Variants in STXBP6 observed in about 807,000 individuals in gnomAD.
STXBP6 encodes the protein syntaxin binding protein 6.
STXBP6 carries 21 observed loss-of-function variants against 26.9 expected under a neutral mutation model. That is an observed-to-expected ratio of 0.78 (90% CI 0.55 to 1.12). The LOEUF is 1.12. STXBP6 is among the 50% of genes most tolerant of loss of function. STXBP6 has a pLI of 0.00. For missense variants in STXBP6, 232 were observed against 257.9 expected, an observed-to-expected ratio of 0.90 and a Z score of 0.69; for synonymous variants, 97 against 92.6, an observed-to-expected ratio of 1.05 and a Z score of -0.27.
rs34132743 is a variant in STXBP6, at chr14:24,964,647, C to CTGTGTGTGTGTGTGTGTGTGTGTG, written c.154+9994_154+10017dup. ...TGACAGAGCTAGTACAGTTCTCATT[C>CTGTGTGTGTGTGTGTGTGTGTGTG]TGTGTGTGTGTGTGTGTGTGTGTGT... On this transcript the variant is annotated intron_variant, in intron 2 of 5. Coordinates refer to ENST00000323944, the MANE Select transcript of STXBP6 (RefSeq NM_001394410.1). 1.2e-3 allele frequency among the ~76,000 whole-genome samples: 175 copies of CTGTGTGTGTGTGTGTGTGTGTGTG among 140,190 alleles called. 2 individuals carry two copies. The highest frequency in any genetic ancestry group is 3.9e-3 in the African/African-American group (146 of 37,280). The allele number at this position is 140,190 out of a possible 152,430, so 92.0% of individuals were successfully genotyped here. A position where few individuals can be genotyped will look rare whatever the true frequency, so the allele number is the denominator to read the frequency against.
At chr14:25,016,748 G>T (rs2075157487) in intron 1 of STXBP6, among the ~76,000 whole-genome samples, 1 of 152,104 alleles carries the variant, frequency 6.6e-6, no homozygotes, top group Admixed American at 6.6e-5. Flanking sequence ...ATAAAATTAA[G>T]CTAGGAAAGC....
intron 1 of STXBP6, among the ~76,000 whole-genome samples, chr14:25,021,596 A>C (rs1480193854): frequency 6.6e-6 from 1 of 152,172 alleles, no homozygotes; most frequent in East Asian, 1.9e-4. Flanking sequence ...GCCAAATTCA[A>C]ACCAGTTGAC....
At chr14:24,983,987 T>G (rs2140250585) in intron 1 of STXBP6, among the ~76,000 whole-genome samples, 1 of 152,284 alleles carries the variant, frequency 6.6e-6, no homozygotes, top group East Asian at 1.9e-4. Flanking sequence ...CATTCCTTAT[T>G]CATTGAGAGG....
intron 1 of STXBP6, among the ~76,000 whole-genome samples, chr14:24,982,829 G>A (rs779863929): frequency 2.2e-4 from 33 of 152,226 alleles, no homozygotes; most frequent in African/African-American, 6.0e-4. Context: ...TTTACATTGC[G>A]GGTGTACCTT....
chr14:24,851,252 T>TA (rs2069142138), intron 4 of STXBP6, among the ~76,000 whole-genome samples: 1 of 151,284 alleles, frequency 6.6e-6, no homozygotes, highest in African/African-American at 2.4e-5. Flanking sequence ...TTTTTTTTTT[T>TA]ATACTTTAAG....
At chr14:24,892,203 T>G (rs200472607) in intron 2 of STXBP6, among the ~76,000 whole-genome samples, 55,735 of 145,252 alleles carry the variant, frequency 0.38, 10,536 homozygotes, top group East Asian at 0.43. Context: ...TATACATTAT[T>G]TTTTTTTTTT....
At chr14:24,920,460 G>A (rs998171403) in intron 2 of STXBP6, among the ~76,000 whole-genome samples, 4 of 151,986 alleles carry the variant, frequency 2.6e-5, no homozygotes, top group African/African-American at 9.7e-5. Flanking sequence ...GACTCCTCAG[G>A]CAGTGTGTTA....
chr14:24,862,289 T>C (rs1000827312), intron 2 of STXBP6, among the ~76,000 whole-genome samples: 6 of 152,148 alleles, frequency 3.9e-5, no homozygotes, highest in African/African-American at 1.4e-4. Flanking sequence ...TGAGCCACCA[T>C]GCCCGACCTA....
At chr14:24,999,692 C>T (rs913433929) in intron 1 of STXBP6, among the ~76,000 whole-genome samples, 3 of 151,946 alleles carry the variant, frequency 2.0e-5, no homozygotes, top group Admixed American at 2.0e-4. Flanking sequence ...CCACTACCCC[C>T]AAAAGACTTC....
At chr14:25,022,893 G>C (rs1306420628) in intron 1 of STXBP6, among the ~76,000 whole-genome samples, 2 of 152,164 alleles carry the variant, frequency 1.3e-5, no homozygotes, top group African/African-American at 4.8e-5. Flanking sequence ...TGAAATTCAT[G>C]ATGTTCCTAC....
chr14:24,870,133 A>G (rs1446896355), intron 2 of STXBP6, among the ~76,000 whole-genome samples: 1 of 152,024 alleles, frequency 6.6e-6, no homozygotes, highest in Non-Finnish European at 1.5e-5. Context: ...GAATTTTCAA[A>G]CCCTTTGCAT....
intron 1 of STXBP6, among the ~76,000 whole-genome samples, chr14:25,013,843 A>G (rs2075089540): frequency 6.6e-6 from 1 of 152,128 alleles, no homozygotes; most frequent in African/African-American, 2.4e-5. Context: ...TGTAGACCTT[A>G]TGTGGATACT....
rs961798106 is a variant in STXBP6, at chr14:24,858,734, A to G, written c.155-1577T>C. The stretch of plus-strand genomic sequence containing the variant: ...TCCTATGACACAAATGGGAGACCTA[A>G]TAGGTTTCTCTGATGGCTGTGACCT... On this transcript the variant is annotated intron_variant, in intron 2 of 5. Transcript: ENST00000323944. 5.3e-5 allele frequency among the ~76,000 whole-genome samples: 8 copies of G among 152,208 alleles called. 2 individuals are homozygous for G. Among genetic ancestry groups the G allele is most frequent in the Admixed American group, 3.9e-4 (6 of 15,276 alleles).
intron 2 of STXBP6, among the ~76,000 whole-genome samples, chr14:24,932,423 A>G (rs2139914168): frequency 6.6e-6 from 1 of 152,326 alleles, no homozygotes; most frequent in South Asian, 2.1e-4. Flanking sequence ...CAGGGAGCTG[A>G]AATGAAAAGA....
At chr14:24,850,100 C>T (rs914966612) in intron 4 of STXBP6, among the ~76,000 whole-genome samples, 2 of 152,028 alleles carry the variant, frequency 1.3e-5, no homozygotes, top group African/African-American at 4.8e-5. Context: ...AATGACCACA[C>T]CAATCACTTT....
intron 2 of STXBP6, among the ~76,000 whole-genome samples, chr14:24,939,271 C>A (rs768000461): frequency 6.6e-6 from 1 of 152,096 alleles, no homozygotes; most frequent in South Asian, 2.1e-4. Flanking sequence ...TACATAATTG[C>A]GGATCTTGGT....
chr14:24,972,303 T>A (rs2073927993), intron 2 of STXBP6, among the ~76,000 whole-genome samples: 1 of 152,242 alleles, frequency 6.6e-6, no homozygotes, highest in Non-Finnish European at 1.5e-5. Flanking sequence ...AGTTATTCCG[T>A]AAGTCCCAGG....
At chr14:24,922,384 C>G (rs944744215) in intron 2 of STXBP6, among the ~76,000 whole-genome samples, 1 of 152,128 alleles carries the variant, frequency 6.6e-6, no homozygotes, top group African/African-American at 2.4e-5. Context: ...CAAATGTGTT[C>G]TTAACACTGT....
chr14:24,915,078 C>T (rs1354980147), intron 2 of STXBP6, among the ~76,000 whole-genome samples: 1 of 152,110 alleles, frequency 6.6e-6, no homozygotes, highest in African/African-American at 2.4e-5. Flanking sequence ...TGTCATGTTT[C>T]TCAGAGCTAA....
Sources: gnomAD v4.1 joint callset for allele counts (sites outside exome capture counted in the v4.1 genomes callset) on GRCh38, gnomAD v4.1.1 for gene constraint, MANE v1.5 for transcripts, NCBI Gene and HGNC (gene_info 2026-07-23, HGNC 2026-07-21) for gene names.